TASOR2: variants seen among roughly 807,000 people sequenced by gnomAD.
TASOR2 encodes protein TASOR 2.
TASOR2 carries 84 observed loss-of-function variants against 199.5 expected under a neutral mutation model. That is an observed-to-expected ratio of 0.42 (90% confidence interval 0.35 to 0.50). The LOEUF is 0.50. Ranked by LOEUF, TASOR2 falls within the 20% of genes least tolerant of loss-of-function variation. The pLI, the probability that TASOR2 is intolerant of heterozygous loss-of-function variation, is 0.02. For missense variants in TASOR2, 2,796 were observed against 2,835.9 expected (o/e 0.99, Z 0.32); for synonymous variants, 1,103 against 1,046.6 (o/e 1.05, Z -1.04).
exon 1 of TASOR2, chr10:5,684,864 G>A (rs1005641438): frequency 1.4e-4 from 55 of 397,438 alleles, no homozygotes; most frequent in Non-Finnish European, 2.0e-4. Flanking sequence ...GCCGGTCAGA[G>A]AGAAAGTCGG....
Position 5,714,194 on chromosome 10 carries a change from T to C in TASOR2, c.-192+1276T>C. 8.1e-7 allele frequency: 1 copy of C among 1,231,860 alleles called. No homozygotes were observed. Among genetic ancestry groups the C allele is most frequent in the Non-Finnish European group, 1.0e-6 (1 of 987,766 alleles). 76.3% of individuals were successfully genotyped at this position (1,231,860 alleles called of 1,614,324 possible). A position where few individuals can be genotyped will look rare whatever the true frequency, so the allele number is the denominator to read the frequency against. ...GCAGCAGTGCTGTTACCACTCTGGG[T>C]GATCCAGCCAAAGGTAAGTCCGTAA... On this transcript the variant is annotated intron_variant, in intron 2 of 20. The change abolishes the stop of an existing upstream ORF in the 5' untranslated region. Coordinates refer to ENST00000328090, the Ensembl canonical transcript of TASOR2.
chr10:5,712,817 A>G lies in TASOR2; in HGVS notation c.-287-6A>G. On this transcript the variant is annotated splice_region_variant and splice_polypyrimidine_tract_variant and intron_variant, in intron 1 of 20. Transcript: ENST00000328090. ...CGTTTGGTTATTCTGTTCTCTCTTT[A>G]TACAGTACAAAACTTTTTACCAACA... is the stretch of plus-strand genomic sequence containing the variant. 8.3e-7 allele frequency: 1 copy of G among 1,202,048 alleles called. No individual in the cohort carries two copies. The highest frequency in any genetic ancestry group is 1.0e-6 in the Non-Finnish European group (1 of 960,818). The allele number at this position is 1,202,048 out of a possible 1,614,324, so 74.5% of individuals were successfully genotyped here. A position where few individuals can be genotyped will look rare whatever the true frequency, so the allele number is the denominator to read the frequency against.
At chr10:5,735,621 A>G (rs924238429) in intron 12 of TASOR2, 75 bp downstream of exon 13, 107 of 1,534,458 alleles carry the variant, frequency 7.0e-5, no homozygotes, top group Non-Finnish European at 8.6e-5. Flanking sequence ...ATTTATTGAA[A>G]TAGTGTAAGA....
At chr10:5,732,341 A>G (rs1489321040) in intron 11 of TASOR2, among the ~76,000 whole-genome samples, 1 of 152,228 alleles carries the variant, frequency 6.6e-6, no homozygotes, top group African/African-American at 2.4e-5. Flanking sequence ...GGCTGCTCTC[A>G]TGCCGTGTTG....
intron 1 of TASOR2, among the ~76,000 whole-genome samples, chr10:5,692,039 G>C (rs1286597785): frequency 6.6e-6 from 1 of 150,534 alleles, no homozygotes; most frequent in Non-Finnish European, 1.5e-5. Context: ...GCTAGGCGTG[G>C]CGGCCCATAC....
rs1564381192 is a variant in TASOR2 at position 5,762,761 on chromosome 10, A to G, written c.7289+115A>G. On this transcript the variant is annotated intron_variant, in intron 20 of 20. Coordinates refer to ENST00000328090, the Ensembl canonical transcript of TASOR2. ...AACTGTTGTTTACATACTTCATGCT[A>G]TAAATTTAAAGTGTTTGTTTAGGGG... 7 of 704,342 alleles carry G rather than the reference A, an allele frequency of 9.9e-6. 1 individual carries two copies. The highest frequency in any genetic ancestry group is 2.9e-5 in the Admixed American group (1 of 34,944). 43.6% of individuals were successfully genotyped at this position (704,342 alleles called of 1,614,324 possible).
chr10:5,719,003 C>T lies in TASOR2; in HGVS notation c.-100+1253C>T, dbSNP rs1024025804. Among the ~76,000 whole-genome samples, 3 of 152,036 alleles carry T rather than the reference C, an allele frequency of 2.0e-5. No individual in the cohort carries two copies. The highest frequency in any genetic ancestry group is 4.8e-5 in the African/African-American group (2 of 41,386). ...CAATCTTCATTTTATTTCACAAAAT[C>T]GAGCCGCACCCAGAACCATAAAATG... On this transcript the variant is annotated intron_variant, in intron 3 of 20. Transcript: ENST00000328090. The surrounding 1 kb of genome is among the most constrained non-coding windows in gnomAD (Gnocchi z 4.1).
Position 5,742,173 on chromosome 10 carries a change from A to G in TASOR2, c.2404A>G (p.Ser802Gly), listed in dbSNP as rs763150367. The change falls in exon 14 of 21, where the codon AGC becomes GGC. Residue 802 changes from serine to glycine, a missense_variant. By Grantham distance (56) the Ser-to-Gly change is moderately conservative (BLOSUM62 0). Around this residue, in one of 3 missense-constraint regions of TASOR2, gnomAD observed 1,941 missense variants for 1,924.9 expected, o/e 1.01. Coordinates refer to ENST00000328090, the Ensembl canonical transcript of TASOR2. The surrounding 1 kb of genome is among the most constrained non-coding windows in gnomAD (Gnocchi z 4.2). Reference sequence around the variant, plus strand: ...TCATATGTGGGTAGCTCTGTTTTACAGCAATCAGAACAAAATCATACGATC... The same window carrying G: ...TCATATGTGGGTAGCTCTGTTTTACGGCAATCAGAACAAAATCATACGATC... 2 of 1,614,204 alleles carry G rather than the reference A, an allele frequency of 1.2e-6. No individual in the cohort carries two copies. The highest frequency in any genetic ancestry group is 3.3e-5 in the Admixed American group (2 of 60,020).
chr10:5,719,684 A>G lies in TASOR2; in HGVS notation c.-99-860A>G, dbSNP rs1019198650. ...TTTTTGGAGAGACATGTAACCCTTG[A>G]TGGAGAGAACTCTGTAATGGAAAAT... On this transcript the variant is annotated intron_variant, in intron 3 of 20. Transcript: ENST00000328090. This position sits in a 1 kb window ranked among gnomAD's most constrained non-coding sequence, Gnocchi z 4.1. Among the ~76,000 whole-genome samples the G allele has an allele frequency of 6.6e-6, 1 of 151,798 alleles. No individual in the cohort carries two copies. The highest frequency in any genetic ancestry group is 2.1e-4 in the South Asian group (1 of 4,818).
chr10:5,739,078 A>C (rs1836011902), intron 12 of TASOR2, among the ~76,000 whole-genome samples: 1 of 152,230 alleles, frequency 6.6e-6, no homozygotes, highest in Admixed American at 6.5e-5. Flanking sequence ...ATTAAAGATC[A>C]ATATAGTTAA....
intron 1 of TASOR2, among the ~76,000 whole-genome samples, chr10:5,697,062 TC>T (rs1837249110): frequency 6.6e-6 from 1 of 152,182 alleles, no homozygotes; most frequent in Non-Finnish European, 1.5e-5. Context: ...ACTATCTGTG[TC>T]CCAGAACTGA....
chr10:5,695,308 A>C (rs1372916970), intron 1 of TASOR2, among the ~76,000 whole-genome samples: 1 of 152,224 alleles, frequency 6.6e-6, no homozygotes, highest in African/African-American at 2.4e-5. Context: ...ATATGTAATT[A>C]TAAATCATGC....
chr10:5,735,058 C>G (rs1432873945), intron 11 of TASOR2, among the ~76,000 whole-genome samples: 1 of 151,692 alleles, frequency 6.6e-6, no homozygotes, highest in African/African-American at 2.4e-5. Flanking sequence ...TTACTCTGAT[C>G]TTTTTCTTCT....
At chr10:5,732,537 C>G (rs1186445785) in intron 11 of TASOR2, among the ~76,000 whole-genome samples, 1 of 152,168 alleles carries the variant, frequency 6.6e-6, no homozygotes, top group East Asian at 1.9e-4. Flanking sequence ...AGAGTTTACC[C>G]TATGGAGTTT....
intron 15 of TASOR2, 85 bp from the exon 17 acceptor site, chr10:5,756,528 C>G: frequency 7.1e-6 from 10 of 1,416,414 alleles, no homozygotes; most frequent in Non-Finnish European, 9.6e-6. Context: ...TTAGACTATA[C>G]TGCTTTTCAT....
At chr10:5,747,256 G>T (rs770127781) in exon 15 of TASOR2, 29 of 1,614,080 alleles carry the variant, frequency 1.8e-5, no homozygotes, top group Non-Finnish European at 2.1e-5. Context: ...ATCAGAGGAA[G>T]ATTCTGACAT....
chr10:5,717,816 C>A, intron 3 of TASOR2, 66 bp downstream of exon 4: 1 of 560,974 alleles, frequency 1.8e-6, no homozygotes, highest in South Asian at 9.5e-5. Flanking sequence ...CTTTGATATT[C>A]TCTGTAGATA....
chr10:5,688,807 C>T (rs191988100), intron 1 of TASOR2, among the ~76,000 whole-genome samples: 1 of 151,152 alleles, frequency 6.6e-6, no homozygotes, highest in Admixed American at 6.6e-5. Flanking sequence ...GGTTTGAGAC[C>T]AGCCTGGGCA....
rs1430571048 is a variant in TASOR2, at chr10:5,752,488, G to C, written c.6606+2461G>C. Among the ~76,000 whole-genome samples, 1 of 152,200 alleles carries C rather than the reference G, an allele frequency of 6.6e-6. No homozygotes were observed. Among genetic ancestry groups the C allele is most frequent in the Non-Finnish European group, 1.5e-5 (1 of 68,032 alleles). ...CGTGTGTCGGCTCCACATGCCCACT[G>C]GGTCTGTCTCAGACTTCACTTACAT... On this transcript the variant is annotated intron_variant, in intron 15 of 20. Transcript: ENST00000328090. This position sits in a 1 kb window ranked among gnomAD's most constrained non-coding sequence, Gnocchi z 4.4.
Sources: allele counts gnomAD v4.1 joint callset (sites outside exome capture counted in the v4.1 genomes callset), GRCh38; gene constraint gnomAD v4.1.1; regional missense constraint gnomAD v4.1.1; non-coding constraint Gnocchi (gnomAD v3.1); transcripts MANE v1.5; gene names NCBI Gene and HGNC (gene_info 2026-07-23, HGNC 2026-07-21).